The following TPRG1 variants were observed in gnomAD, a reference collection of about 807,000 sequenced individuals.
TPRG1 encodes tumor protein p63 regulated 1.
Under a neutral mutation model 29.3 loss-of-function variants are expected in TPRG1, and 29 were observed. The ratio of observed to expected loss-of-function variants is 0.99; its 90% confidence interval spans 0.74 to 1.35. The LOEUF is 1.35. TPRG1 is among the 40% of genes most tolerant of loss of function. TPRG1 has a pLI of 0.00. For synonymous variants in TPRG1, 130 were observed against 116.8 expected (o/e 1.11, Z -0.73); for missense variants, 327 against 335.0 (o/e 0.98, Z 0.19).
intron 1 of TPRG1, among the ~76,000 whole-genome samples, chr3:189,113,209 T>C (rs1292940338): frequency 1.3e-5 from 2 of 152,226 alleles, no homozygotes; most frequent in East Asian, 1.9e-4. Flanking sequence ...ATCCTTGTGA[T>C]TTTTGTACAT....
At position 189,054,891 on chromosome 3, in the gene TPRG1, G is replaced by A. The variant is rs1044308967; in HGVS notation, c.-463+30945G>A. On this transcript the variant is annotated intron_variant, in intron 4 of 10. Coordinates refer to the TPRG1 transcript ENST00000433971. ...TTACAAAAATGTGACACAGAGAAAC[G>A]AAGTAAGCATGTGCTGGTGGAAAGA... 6.6e-5 allele frequency among the ~76,000 whole-genome samples: 10 copies of A among 152,186 alleles called. 1 individual carries two copies. Among genetic ancestry groups the A allele is most frequent in the Admixed American group, 6.5e-5 (1 of 15,284 alleles).
intron 3 of TPRG1, 40 bp downstream of exon 3, chr3:189,215,423 G>A (rs773939188): frequency 5.8e-6 from 9 of 1,545,120 alleles, no homozygotes; most frequent in Non-Finnish European, 8.0e-6. Flanking sequence ...TGGAAATACA[G>A]CGTTTTCCTT....
chr3:189,032,771 C>T (rs1714008381), intron 4 of TPRG1, among the ~76,000 whole-genome samples: 1 of 126,154 alleles, frequency 7.9e-6, no homozygotes, highest in Non-Finnish European at 1.6e-5. Flanking sequence ...CAACAGTCCC[C>T]AGAGTGTGAT....
At position 189,321,133 on chromosome 3, in the gene TPRG1, C is replaced by A; in HGVS notation, c.*313C>A. On this transcript the variant is annotated 3_prime_UTR_variant, in exon 6 of 6. Transcript: ENST00000345063. ...GACTCTAAGTCCTGTTGCTTCAGCTCTCTAAATGTAGGCTTTTTTTTTTTT... is the reference window on the plus strand; with the variant it reads ...GACTCTAAGTCCTGTTGCTTCAGCTATCTAAATGTAGGCTTTTTTTTTTTT... 5.4e-6 allele frequency: 1 copy of A among 186,268 alleles called. No homozygotes were observed. The highest frequency in any genetic ancestry group is 1.1e-5 in the Non-Finnish European group (1 of 93,028). 11.5% of individuals were successfully genotyped at this position (186,268 alleles called of 1,614,324 possible).
At chr3:189,186,499 G>T (rs184079624) in intron 1 of TPRG1, among the ~76,000 whole-genome samples, 1 of 152,064 alleles carries the variant, frequency 6.6e-6, no homozygotes, top group Non-Finnish European at 1.5e-5. Flanking sequence ...TCTTAAAGAC[G>T]CAATTTTCTG....
chr3:189,129,642 A>G (rs1453273752), intron 2 of TPRG1, among the ~76,000 whole-genome samples: 1 of 151,870 alleles, frequency 6.6e-6, no homozygotes. Context: ...GTCATTTTCT[A>G]TTTTCCTCAT....
chr3:189,056,125 C>T (rs1715680365), intron 4 of TPRG1, among the ~76,000 whole-genome samples: 1 of 141,368 alleles, frequency 7.1e-6, no homozygotes, highest in Admixed American at 7.8e-5. Context: ...GAGAGAGAGT[C>T]TCATTCCATT....
At chr3:189,022,248 C>T (rs1021095069) in intron 3 of TPRG1, among the ~76,000 whole-genome samples, 4 of 151,928 alleles carry the variant, frequency 2.6e-5, no homozygotes, top group East Asian at 1.9e-4. Context: ...AGTCATTCTC[C>T]TTCCAGCTTT....
intron 2 of TPRG1, among the ~76,000 whole-genome samples, chr3:189,001,725 T>C (rs1231084231): frequency 6.6e-6 from 1 of 152,042 alleles, no homozygotes; most frequent in Non-Finnish European, 1.5e-5. Flanking sequence ...ACTCACTTCC[T>C]TGGCTCAAGA....
chr3:189,297,023 CAG>C (rs2109241094), intron 4 of TPRG1, among the ~76,000 whole-genome samples: 1 of 152,176 alleles, frequency 6.6e-6, no homozygotes, highest in South Asian at 2.1e-4. Flanking sequence ...TCCCATAACC[CAG>C]GCAGAAGTAC....
At chr3:189,072,698 A>G (rs1432110290) in intron 4 of TPRG1, among the ~76,000 whole-genome samples, 1 of 152,108 alleles carries the variant, frequency 6.6e-6, no homozygotes, top group African/African-American at 2.4e-5. Context: ...TTATAAAACT[A>G]CCTTCCTCTA....
chr3:189,021,011 T>C lies in TPRG1; in HGVS notation c.-659-2739T>C, dbSNP rs1371897099. Among the ~76,000 whole-genome samples, 10 of 149,366 alleles carry C rather than the reference T, an allele frequency of 6.7e-5. No homozygotes were observed. The East Asian group carries it at 1.8e-3, about 26-fold the overall frequency. On this transcript the variant is annotated intron_variant, in intron 3 of 10. Transcript: ENST00000433971. ...TGGCCTTCTTTGTCTCTTTTGATCT[T>C]TGTTGGTTTAAAGTCTGTTTTGTCA... is the stretch of plus-strand genomic sequence containing the variant.
intron 1 of TPRG1, among the ~76,000 whole-genome samples, chr3:189,206,070 CTTTCTTTCTT>C (rs141761475): frequency 1.9e-3 from 182 of 98,372 alleles, no homozygotes; most frequent in Middle Eastern, 4.4e-3. Context: ...TTTCTTTTTT[CTTTCTTTCTT>C]TTTCTTTCTT....
At chr3:189,270,689 C>T (rs899785093) in intron 4 of TPRG1, among the ~76,000 whole-genome samples, 14 of 152,156 alleles carry the variant, frequency 9.2e-5, no homozygotes, top group African/African-American at 2.9e-4. Flanking sequence ...ACACTGTATT[C>T]GGCTCTTTAA....
At chr3:189,089,829 A>G (rs906930069) in intron 4 of TPRG1, among the ~76,000 whole-genome samples, 2 of 152,148 alleles carry the variant, frequency 1.3e-5, no homozygotes, top group African/African-American at 4.8e-5. Flanking sequence ...AAGTTTCAAC[A>G]TGAGTTTTGG....
At chr3:189,122,841 T>C (rs967437118) in intron 1 of TPRG1, among the ~76,000 whole-genome samples, 9 of 152,226 alleles carry the variant, frequency 5.9e-5, no homozygotes, top group African/African-American at 2.2e-4. Flanking sequence ...TTTTGGTTTT[T>C]TAACAAATGA....
intron 4 of TPRG1, among the ~76,000 whole-genome samples, chr3:189,043,111 A>G (rs1374814541): frequency 6.6e-6 from 1 of 152,252 alleles, no homozygotes; most frequent in Non-Finnish European, 1.5e-5. Flanking sequence ...TCACAAGGTC[A>G]CAATTAAATG....
chr3:189,078,077 CTT>C (rs1717319890), intron 4 of TPRG1, among the ~76,000 whole-genome samples: 1 of 79,642 alleles, frequency 1.3e-5, no homozygotes, highest in Non-Finnish European at 2.6e-5. Flanking sequence ...TCCTTTCTCT[CTT>C]TCTCTCTTTC....
At chr3:189,031,273 A>G (rs371599970) in intron 4 of TPRG1, among the ~76,000 whole-genome samples, 118 of 141,572 alleles carry the variant, frequency 8.3e-4, no homozygotes, top group Middle Eastern at 3.5e-3. Flanking sequence ...CCTGGGCGAC[A>G]GAGCGAGACT....
Sources: allele counts gnomAD v4.1 joint callset (sites outside exome capture counted in the v4.1 genomes callset), GRCh38; gene constraint gnomAD v4.1.1; transcripts MANE v1.5; gene names NCBI Gene and HGNC (gene_info 2026-07-23, HGNC 2026-07-21).